The following SMIM14 variants were observed in gnomAD, a reference collection of about 807,000 sequenced individuals.
SMIM14 encodes the protein small integral membrane protein 14.
SMIM14 carries 5 observed loss-of-function variants against 12.6 expected under a neutral mutation model. The ratio of observed to expected loss-of-function variants is 0.40; its 90% CI spans 0.21 to 0.83. The LOEUF is 0.83. Among genes scored for constraint, SMIM14 ranks in the 40% least tolerant of loss-of-function variants. The pLI, the probability that SMIM14 is intolerant of heterozygous loss-of-function variation, is 0.37. For synonymous variants in SMIM14, 30 were observed against 40.1 expected (o/e 0.75, Z 0.95); for missense variants, 86 against 119.1 (o/e 0.72, Z 1.29).
chr4:39,581,686 A>G (rs1713506545), intron 2 of SMIM14, among the ~76,000 whole-genome samples: 1 of 146,164 alleles, frequency 6.8e-6, no homozygotes, highest in Non-Finnish European at 1.5e-5. Context: ...CTGGGACCAC[A>G]GGAGTAGCTC....
intron 2 of SMIM14, among the ~76,000 whole-genome samples, chr4:39,583,465 G>T (rs1388780316): frequency 6.6e-6 from 1 of 151,872 alleles, no homozygotes; most frequent in Non-Finnish European, 1.5e-5. Flanking sequence ...ATTGGGGTTT[G>T]GAAACATAGT....
rs200465052 is a variant in SMIM14 at position 39,601,946 on chromosome 4, T to TCAA, written c.75+3124_75+3125insTTG. ...TGGGGGAAAAGAATAAGACCCTATC[T>TCAA]TAAAAAAAAAAAACAAAAAAAATGC... On this transcript the variant is annotated intron_variant, in intron 2 of 4. Transcript: ENST00000295958. Among the ~76,000 whole-genome samples, 8 of 77,296 alleles carry TCAA rather than the reference T, an allele frequency of 1.0e-4. 2 individuals carry two copies. The highest frequency in any genetic ancestry group is 1.7e-4 in the Admixed American group (1 of 6,052). 50.7% of individuals were successfully genotyped at this position (77,296 alleles called of 152,430 possible).
chr4:39,619,862 ATATATATATATATATTT>A (rs1560307318), intron 1 of SMIM14, among the ~76,000 whole-genome samples: 1 of 64,574 alleles, frequency 1.5e-5, no homozygotes, highest in Non-Finnish European at 2.6e-5. Context: ...ATATATATTT[ATATATATATATATATTT>A]TTTTTTTTTT....
chr4:39,628,030 T>A (rs1560310732), intron 1 of SMIM14, among the ~76,000 whole-genome samples: 1 of 152,190 alleles, frequency 6.6e-6, no homozygotes, highest in African/African-American at 2.4e-5. Flanking sequence ...AAAAAAAGGC[T>A]AGGCGTGGGG....
chr4:39,581,217 A>G (rs1397142892), intron 2 of SMIM14, among the ~76,000 whole-genome samples: 1 of 152,114 alleles, frequency 6.6e-6, no homozygotes, highest in Non-Finnish European at 1.5e-5. Context: ...ATACTGTCCA[A>G]CAAAATGTTT....
chr4:39,621,870 C>T (rs1333912184), intron 1 of SMIM14, among the ~76,000 whole-genome samples: 4 of 147,792 alleles, frequency 2.7e-5, no homozygotes, highest in African/African-American at 5.0e-5. Context: ...TAAGTAGAGA[C>T]GGGGTCTCAT....
intron 2 of SMIM14, among the ~76,000 whole-genome samples, chr4:39,602,633 T>C (rs1714661482): frequency 6.6e-6 from 1 of 152,120 alleles, no homozygotes; most frequent in Non-Finnish European, 1.5e-5. Flanking sequence ...CTTTGCTTCA[T>C]AAACAAATAT....
At chr4:39,603,017 A>C (rs2110055610) in intron 2 of SMIM14, among the ~76,000 whole-genome samples, 1 of 152,318 alleles carries the variant, frequency 6.6e-6, no homozygotes, top group Admixed American at 6.5e-5. Context: ...AATGCTTCAA[A>C]ATCTGAAATT....
At chr4:39,582,770 T>G (rs1255635113) in intron 2 of SMIM14, among the ~76,000 whole-genome samples, 1 of 152,080 alleles carries the variant, frequency 6.6e-6, no homozygotes, top group Non-Finnish European at 1.5e-5. Context: ...AAATGGCATT[T>G]GTGTTTCACC....
chr4:39,553,596 T>C (rs1253395182), intron 4 of SMIM14, among the ~76,000 whole-genome samples: 2 of 135,678 alleles, frequency 1.5e-5, no homozygotes, highest in African/African-American at 5.9e-5. Context: ...ATAATGCCGG[T>C]TTTTTTTTTT....
chr4:39,614,962 T>C (rs1178639051), intron 1 of SMIM14, among the ~76,000 whole-genome samples: 1 of 152,230 alleles, frequency 6.6e-6, no homozygotes, highest in African/African-American at 2.4e-5. Context: ...AGTCATACTG[T>C]TGCTATATGT....
chr4:39,619,586 CAATA>C (rs1330876389), intron 1 of SMIM14, among the ~76,000 whole-genome samples: 10 of 78,502 alleles, frequency 1.3e-4, no homozygotes, highest in Admixed American at 3.8e-4. Context: ...TTCTATATAT[CAATA>C]AATATAATTT....
At chr4:39,611,505 CAA>C (rs79299163) in intron 1 of SMIM14, among the ~76,000 whole-genome samples, 9 of 90,880 alleles carry the variant, frequency 9.9e-5, no homozygotes, top group Admixed American at 1.2e-4. Flanking sequence ...GACTCCATCT[CAA>C]AAAAAAAAAA....
intron 1 of SMIM14, among the ~76,000 whole-genome samples, chr4:39,606,598 G>A (rs574395956): frequency 3.4e-5 from 5 of 148,382 alleles, no homozygotes; most frequent in African/African-American, 1.3e-4. Flanking sequence ...CCAAGATCGC[G>A]CCACTGCACT....
rs550277695 is a variant in SMIM14, at chr4:39,558,760, G to A, written c.125-2190C>T. Among the ~76,000 whole-genome samples, 23 of 152,262 alleles carry A rather than the reference G, an allele frequency of 1.5e-4. No homozygotes were observed. Among genetic ancestry groups the A allele is most frequent in the South Asian group, 1.2e-3 (6 of 4,824 alleles). Reference sequence around the variant, plus strand: ...AGAGTCTTGCCCTGTCGTCCAAGCTGGAATACAATGGCATGTCAGCTCACT... The same window carrying A: ...AGAGTCTTGCCCTGTCGTCCAAGCTAGAATACAATGGCATGTCAGCTCACT... On this transcript the variant is annotated intron_variant, in intron 3 of 4. Transcript: ENST00000295958. This position sits in a 1 kb window ranked among gnomAD's most constrained non-coding sequence, Gnocchi z 4.3.
At chr4:39,569,245 C>A (rs1252955743) in intron 3 of SMIM14, among the ~76,000 whole-genome samples, 1 of 152,134 alleles carries the variant, frequency 6.6e-6, no homozygotes, top group African/African-American at 2.4e-5. Context: ...ATATATATCA[C>A]CCAAATGGAC....
At position 39,560,477 on chromosome 4, in the gene SMIM14, A is replaced by G. The variant is rs148879891; in HGVS notation, c.125-3907T>C. Among the ~76,000 whole-genome samples the G allele has an allele frequency of 3.1e-3, 474 of 152,128 alleles. 3 individuals are homozygous for G. The highest frequency in any genetic ancestry group is 0.011 in the African/African-American group (446 of 41,512). On this transcript the variant is annotated intron_variant, in intron 3 of 4. Transcript: ENST00000295958. Reference sequence around the variant, plus strand: ...GCATGAGCCACCGCAATCAGCCAACATCAATAGTTCTTAAACTATGGTATA... The same window carrying G: ...GCATGAGCCACCGCAATCAGCCAACGTCAATAGTTCTTAAACTATGGTATA...
chr4:39,552,261 A>G (rs1202448652), intron 4 of SMIM14, 103 bp from the exon 5 acceptor site: 7 of 884,130 alleles, frequency 7.9e-6, no homozygotes, highest in African/African-American at 1.7e-5. Context: ...ATCCCAGTGC[A>G]ACCAATCTAA....
intron 2 of SMIM14, among the ~76,000 whole-genome samples, chr4:39,574,826 ATAC>A (rs1367848328): frequency 6.6e-6 from 1 of 152,144 alleles, no homozygotes; most frequent in African/African-American, 2.4e-5. Context: ...GCTTTGGTGT[ATAC>A]TACTAAAAGT....
Sources: gnomAD v4.1 joint callset for allele counts (sites outside exome capture counted in the v4.1 genomes callset) on GRCh38, gnomAD v4.1.1 for gene constraint, Gnocchi (gnomAD v3.1) non-coding constraint, MANE v1.5 for transcripts, NCBI Gene and HGNC (gene_info 2026-07-23, HGNC 2026-07-21) for gene names.